MDGA2: variants seen among roughly 807,000 people sequenced by gnomAD.
The protein encoded by MDGA2 is MAM domain-containing glycosylphosphatidylinositol anchor protein 2.
MDGA2 carries 40 observed loss-of-function variants against 117.8 expected under a neutral mutation model. The observed-to-expected ratio is 0.34, with a 90% CI of 0.26 to 0.44. The LOEUF (loss-of-function observed/expected upper bound fraction) is 0.44, where lower values mean the gene tolerates loss of function less well. MDGA2 is among the 20% of genes least tolerant of loss of function. MDGA2 has a pLI of 1.00. For synonymous variants in MDGA2, 452 were observed against 439.0 expected (o/e 1.03, Z -0.37); for missense variants, 1,123 against 1,250.6 (o/e 0.90, Z 1.54).
intron 7 of MDGA2, among the ~76,000 whole-genome samples, chr14:47,055,910 C>T (rs189338449): frequency 2.0e-5 from 3 of 152,116 alleles, no homozygotes; most frequent in African/African-American, 2.4e-5. Flanking sequence ...TGATGTCCAT[C>T]ATTAATTCAG....
intron 1 of MDGA2, among the ~76,000 whole-genome samples, chr14:47,587,648 T>G (rs1401249656): frequency 6.6e-6 from 1 of 151,976 alleles, no homozygotes; most frequent in African/African-American, 2.4e-5. Context: ...AATACTTGCA[T>G]GTTTCTGTTC....
At chr14:47,101,034 C>T (rs2899996) in intron 5 of MDGA2, among the ~76,000 whole-genome samples, 78,685 of 151,210 alleles carry the variant, frequency 0.52, 20,870 homozygotes, top group African/African-American at 0.64. Context: ...TCTAGCATGC[C>T]TGAGGTGCTC....
At chr14:47,448,586 G>A (rs905105656) in intron 1 of MDGA2, among the ~76,000 whole-genome samples, 2 of 152,086 alleles carry the variant, frequency 1.3e-5, no homozygotes, top group African/African-American at 4.8e-5. Flanking sequence ...TTGAAAGGGT[G>A]GTGTACCCTA....
intron 8 of MDGA2, among the ~76,000 whole-genome samples, chr14:47,010,609 C>G (rs1163922487): frequency 6.6e-6 from 1 of 151,908 alleles, no homozygotes; most frequent in African/African-American, 2.4e-5. Flanking sequence ...TTAGGGGAGT[C>G]ATTAACACAA....
intron 14 of MDGA2, among the ~76,000 whole-genome samples, chr14:46,864,553 T>TTTG (rs1555329912): frequency 5.2e-5 from 2 of 38,302 alleles, no homozygotes; most frequent in African/African-American, 2.6e-4. Flanking sequence ...CTGTTTTTTT[T>TTTG]TTTTTTTTTT....
chr14:47,362,037 A>C (rs1891137370), intron 1 of MDGA2, among the ~76,000 whole-genome samples: 1 of 152,126 alleles, frequency 6.6e-6, no homozygotes, highest in Non-Finnish European at 1.5e-5. Context: ...ACCTCCAATG[A>C]GACAGCATAC....
At chr14:47,545,198 C>G (rs1273728493) in intron 1 of MDGA2, among the ~76,000 whole-genome samples, 1 of 151,804 alleles carries the variant, frequency 6.6e-6, no homozygotes, top group Admixed American at 6.6e-5. Flanking sequence ...AATACTTGTG[C>G]AAAAAAAGAG....
At chr14:47,236,290 C>CAAAAAAAAAAAAAAAAAAAAAAAAAAA (rs5808383) in intron 2 of MDGA2, among the ~76,000 whole-genome samples, 1 of 67,252 alleles carries the variant, frequency 1.5e-5, no homozygotes, top group Non-Finnish European at 2.7e-5. Flanking sequence ...GACTCCGCCT[C>CAAAAAAAAAAAAAAAAAAAAAAAAAAA]AAAAAAAAAA....
chr14:47,134,777 C>CTATATATATATATA (rs146851138), intron 4 of MDGA2, among the ~76,000 whole-genome samples: 36 of 145,908 alleles, frequency 2.5e-4, no homozygotes, highest in African/African-American at 3.0e-4. Flanking sequence ...CACACACACA[C>CTATATATATATATA]TATATATATA....
At chr14:47,424,101 C>T (rs1018313881) in intron 1 of MDGA2, among the ~76,000 whole-genome samples, 11 of 152,142 alleles carry the variant, frequency 7.2e-5, no homozygotes, top group Admixed American at 6.5e-5. Flanking sequence ...GCATGAGCCA[C>T]CATGCCTGGC....
chr14:47,181,371 C>T (rs1884698366), intron 3 of MDGA2, among the ~76,000 whole-genome samples: 1 of 152,040 alleles, frequency 6.6e-6, no homozygotes, highest in Non-Finnish European at 1.5e-5. Flanking sequence ...GCATTGGAAC[C>T]AACCTAAATG....
At chr14:47,654,900 G>A (rs1415370379) in intron 1 of MDGA2, among the ~76,000 whole-genome samples, 1 of 152,062 alleles carries the variant, frequency 6.6e-6, no homozygotes, top group Non-Finnish European at 1.5e-5. Flanking sequence ...AAGATGGGAA[G>A]GAATATAATG....
At chr14:47,042,308 C>T (rs1459272862) in intron 7 of MDGA2, among the ~76,000 whole-genome samples, 2 of 104,564 alleles carry the variant, frequency 1.9e-5, no homozygotes, top group Non-Finnish European at 3.8e-5. Context: ...TGAACCAAAT[C>T]TATGTTTTTT....
At chr14:47,597,861 C>CAT (rs1011500406) in intron 1 of MDGA2, among the ~76,000 whole-genome samples, 4 of 150,884 alleles carry the variant, frequency 2.7e-5, no homozygotes, top group Non-Finnish European at 5.9e-5. Flanking sequence ...CACACACACA[C>CAT]ACACACACAC....
At chr14:47,231,358 TC>T (rs1266301147) in intron 2 of MDGA2, among the ~76,000 whole-genome samples, 3 of 152,182 alleles carry the variant, frequency 2.0e-5, no homozygotes, top group African/African-American at 7.2e-5. Context: ...AAAATGATTT[TC>T]TCAGATCCCA....
At chr14:47,591,795 A>C (rs1896444554) in intron 1 of MDGA2, among the ~76,000 whole-genome samples, 1 of 152,112 alleles carries the variant, frequency 6.6e-6, no homozygotes, top group Non-Finnish European at 1.5e-5. Flanking sequence ...AAATAATAAG[A>C]GCCATATATG....
intron 1 of MDGA2, among the ~76,000 whole-genome samples, chr14:47,413,090 A>G (rs942349413): frequency 5.9e-5 from 9 of 152,186 alleles, no homozygotes; most frequent in Non-Finnish European, 8.8e-5. Flanking sequence ...TCATTCCATC[A>G]GGCTAATTAA....
chr14:47,430,429 T>C (rs1359663191), intron 1 of MDGA2, among the ~76,000 whole-genome samples: 1 of 152,214 alleles, frequency 6.6e-6, no homozygotes, highest in East Asian at 1.9e-4. Context: ...TTATCTTACA[T>C]ATGATCCCTT....
rs1293572328 is a variant in MDGA2, at chr14:46,855,845, T to C, written c.2753-691A>G. Among the ~76,000 whole-genome samples, 1 of 152,150 alleles carries C rather than the reference T, an allele frequency of 6.6e-6. No individual in the cohort carries two copies. The highest frequency in any genetic ancestry group is 2.4e-5 in the African/African-American group (1 of 41,444). ...GGACTCTAATTCTGTCGTCTTATAT[T>C]ATCATTTAGCATCTTATTTTTTCAG... On this transcript the variant is annotated intron_variant, in intron 14 of 16. Transcript: ENST00000399232. This position sits in a 1 kb window ranked among gnomAD's most constrained non-coding sequence, Gnocchi z 4.1.
Sources: gnomAD v4.1 joint callset for allele counts (sites outside exome capture counted in the v4.1 genomes callset) on GRCh38, gnomAD v4.1.1 for gene constraint, Gnocchi (gnomAD v3.1) non-coding constraint, MANE v1.5 for transcripts, NCBI Gene and HGNC (gene_info 2026-07-23, HGNC 2026-07-21) for gene names.